Variants in SUCLG1 observed in about 807,000 individuals in gnomAD.
The protein encoded by SUCLG1 is succinate-CoA ligase GDP/ADP-forming subunit alpha.
A neutral mutation model predicts 37.3 loss-of-function variants in SUCLG1; 26 were observed. That is an observed-to-expected ratio of 0.70 (90% confidence interval 0.51 to 0.97). The LOEUF is 0.97. Ranked by LOEUF, SUCLG1 falls within the 50% of genes least tolerant of loss-of-function variation. SUCLG1 has a pLI of 0.00. For synonymous variants in SUCLG1, 163 were observed against 155.6 expected, an observed-to-expected ratio of 1.05 and a Z score of -0.36; for missense variants, 433 against 432.9, an observed-to-expected ratio of 1.00 and a Z score of 0.00.
chr2:84,445,675 A>G (rs1190458195), intron 2 of SUCLG1, among the ~76,000 whole-genome samples: 1 of 152,062 alleles, frequency 6.6e-6, no homozygotes, highest in Non-Finnish European at 1.5e-5. Flanking sequence ...CCATTAGTAG[A>G]GCTTATTTCT....
At chr2:84,431,086 C>T (rs1019781760) in intron 7 of SUCLG1, among the ~76,000 whole-genome samples, 1 of 151,984 alleles carries the variant, frequency 6.6e-6, no homozygotes, top group Admixed American at 6.6e-5. Context: ...GGAAGGAAGC[C>T]AGAGCCTGAA....
At chr2:84,434,925 G>C (rs1348433493) in intron 5 of SUCLG1, among the ~76,000 whole-genome samples, 1 of 152,140 alleles carries the variant, frequency 6.6e-6, no homozygotes, top group Non-Finnish European at 1.5e-5. Flanking sequence ...TTCAAAGAAT[G>C]GTGTGTACGT....
At chr2:84,446,669 A>G (rs1452992149) in intron 2 of SUCLG1, among the ~76,000 whole-genome samples, 1 of 152,168 alleles carries the variant, frequency 6.6e-6, no homozygotes, top group Non-Finnish European at 1.5e-5. Context: ...CTGCAATGAG[A>G]TAAGAGGAAA....
chr2:84,425,344 A>G, intron 8 of SUCLG1, 71 bp downstream of exon 8: 1 of 1,577,530 alleles, frequency 6.3e-7, no homozygotes, highest in Non-Finnish European at 8.7e-7. Context: ...CATGATTTCC[A>G]GGTATCCAGT....
intron 2 of SUCLG1, among the ~76,000 whole-genome samples, chr2:84,446,663 A>T (rs903122092): frequency 6.6e-6 from 1 of 152,160 alleles, no homozygotes. Flanking sequence ...GCTGCTCTGC[A>T]ATGAGATAAG....
intron 5 of SUCLG1, among the ~76,000 whole-genome samples, chr2:84,439,064 A>C (rs1315934966): frequency 1.3e-5 from 2 of 152,144 alleles, no homozygotes; most frequent in Non-Finnish European, 2.9e-5. Flanking sequence ...CTTCAGGTCC[A>C]TGCCACCTTT....
intron 1 of SUCLG1, 36 bp from the exon 2 acceptor site, chr2:84,449,788 GAC>G: frequency 2.3e-6 from 2 of 854,760 alleles, no homozygotes; most frequent in South Asian, 2.0e-5. Flanking sequence ...AAAAAAAAAA[GAC>G]ACATTATAAT....
chr2:84,449,381 A>G (rs1558614130), intron 2 of SUCLG1, among the ~76,000 whole-genome samples: 1 of 152,164 alleles, frequency 6.6e-6, no homozygotes, highest in Non-Finnish European at 1.5e-5. Flanking sequence ...TTAGTGTTGT[A>G]TTTGCTGAAA....
At chr2:84,427,823 C>G (rs1276749160) in intron 7 of SUCLG1, among the ~76,000 whole-genome samples, 1 of 152,210 alleles carries the variant, frequency 6.6e-6, no homozygotes, top group Non-Finnish European at 1.5e-5. Flanking sequence ...CAATGCTTTA[C>G]TTCCCATTTT....
At chr2:84,444,548 G>A (rs934451747) in intron 2 of SUCLG1, among the ~76,000 whole-genome samples, 7 of 152,102 alleles carry the variant, frequency 4.6e-5, no homozygotes, top group African/African-American at 7.3e-5. Flanking sequence ...CCACAGGACC[G>A]GGGCGAAATT....
At chr2:84,454,205 C>G (rs1672984789) in intron 1 of SUCLG1, among the ~76,000 whole-genome samples, 1 of 152,196 alleles carries the variant, frequency 6.6e-6, no homozygotes, top group South Asian at 2.1e-4. Flanking sequence ...AAAATGTTTT[C>G]TACATGTCCT....
intron 7 of SUCLG1, among the ~76,000 whole-genome samples, chr2:84,428,550 G>C (rs1672569422): frequency 6.6e-6 from 1 of 152,114 alleles, no homozygotes; most frequent in Non-Finnish European, 1.5e-5. Flanking sequence ...CCACTCCCCT[G>C]TTCCCCAAAA....
At position 84,425,564 on chromosome 2, in the gene SUCLG1, A is replaced by G. The variant is rs1322876765; in HGVS notation, c.865T>C (p.Leu289=). The G allele has an allele frequency of 3.1e-6, 5 of 1,614,132 alleles. No individual in the cohort carries two copies. The Admixed American group carries it at 8.3e-5, about 27-fold the overall frequency. ...SKPVVSFIAG[L]TAPPGRRMGH... ...ATTCTTCTCCCAGGAGGAGCAGTTA[A>G]ACCAGCAATGAAGGACACTACAGGC... The change falls in exon 8 of 9, where the codon TTA becomes CTA. Residue 289 remains leucine, a synonymous_variant. Transcript: ENST00000393868.
rs1672804547 is a variant in SUCLG1 at position 84,443,409 on chromosome 2, A to G, written c.202-9T>C. 6.2e-7 allele frequency: 1 copy of G among 1,612,832 alleles called. No individual in the cohort carries two copies. The highest frequency in any genetic ancestry group is 1.1e-5 in the South Asian group (1 of 91,038). ...TGGCTGTGAAAGGTGCCCTGAGGGG[A>G]AAAAGCACAAGATCCATGAGAAACA... On this transcript the variant is annotated splice_polypyrimidine_tract_variant and intron_variant, in intron 2 of 8. Transcript: ENST00000393868.
chr2:84,442,757 A>G (rs1308848320), intron 3 of SUCLG1, among the ~76,000 whole-genome samples: 1 of 152,176 alleles, frequency 6.6e-6, no homozygotes, highest in African/African-American at 2.4e-5. Context: ...TGACTCTACA[A>G]TTTAGTTTCT....
At chr2:84,454,592 C>T (rs1672990712) in intron 1 of SUCLG1, among the ~76,000 whole-genome samples, 2 of 152,148 alleles carry the variant, frequency 1.3e-5, no homozygotes, top group East Asian at 1.9e-4. Flanking sequence ...CATGAAGTTT[C>T]CTGCCCTGTA....
At chr2:84,445,017 T>C (rs1414280021) in intron 2 of SUCLG1, among the ~76,000 whole-genome samples, 2 of 152,186 alleles carry the variant, frequency 1.3e-5, no homozygotes, top group Non-Finnish European at 2.9e-5. Context: ...GTGCAGTTAA[T>C]GCAATCATCA....
At position 84,423,677 on chromosome 2, in the gene SUCLG1, G is replaced by A. The variant is rs1315955055; in HGVS notation, c.*69C>T. ...TAGGCTGATTAATCAGTGGACAACA[G>A]AAGCAAACTGCTGCTGGGTTACATG... On this transcript the variant is annotated 3_prime_UTR_variant, in exon 9 of 9. Transcript: ENST00000393868. 4 of 1,497,068 alleles carry A rather than the reference G, an allele frequency of 2.7e-6. No homozygotes were observed. The highest frequency in any genetic ancestry group is 1.7e-4 in the Middle Eastern group (1 of 5,890). 92.7% of individuals were successfully genotyped at this position (1,497,068 alleles called of 1,614,324 possible). A position where few individuals can be genotyped will look rare whatever the true frequency, so the allele number is the denominator to read the frequency against.
At chr2:84,452,810 G>C (rs1250501821) in intron 1 of SUCLG1, among the ~76,000 whole-genome samples, 2 of 152,102 alleles carry the variant, frequency 1.3e-5, no homozygotes, top group Non-Finnish European at 2.9e-5. Context: ...ACACACAGTA[G>C]GTCTATGGGA....
Sources: allele counts gnomAD v4.1 joint callset (sites outside exome capture counted in the v4.1 genomes callset), GRCh38; gene constraint gnomAD v4.1.1; transcripts MANE v1.5; gene names NCBI Gene and HGNC (gene_info 2026-07-23, HGNC 2026-07-21).